Variants in ADGRB3 observed in about 807,000 individuals in gnomAD.
ADGRB3 encodes the protein adhesion G protein-coupled receptor B3.
A neutral mutation model predicts 193.4 loss-of-function variants in ADGRB3; 37 were observed. The ratio of observed to expected loss-of-function variants is 0.19; its 90% CI spans 0.15 to 0.25. The LOEUF (loss-of-function observed/expected upper bound fraction) is 0.25. Ranked by LOEUF, ADGRB3 falls within the 10% of genes least tolerant of loss-of-function variation. ADGRB3 has a pLI of 1.00. For synonymous variants in ADGRB3, 690 were observed against 644.2 expected, an observed-to-expected ratio of 1.07 and a Z score of -1.08; for missense variants, 1,637 against 1,852.9, an observed-to-expected ratio of 0.88 and a Z score of 2.14.
At chr6:69,093,617 G>A (rs2150318460) in intron 17 of ADGRB3, among the ~76,000 whole-genome samples, 1 of 151,148 alleles carries the variant, frequency 6.6e-6, no homozygotes, top group East Asian at 2.0e-4. Context: ...CATAGGTTCA[G>A]TGGGAGATGG....
intron 3 of ADGRB3, among the ~76,000 whole-genome samples, chr6:68,655,237 A>G (rs1768464007): frequency 6.6e-6 from 1 of 151,578 alleles, no homozygotes; most frequent in Non-Finnish European, 1.5e-5. Context: ...TTCCAGTCCC[A>G]ATTTCCAGCT....
chr6:69,339,682 C>G (rs937115079), intron 26 of ADGRB3, among the ~76,000 whole-genome samples, 178 bp downstream of exon 26: 1 of 152,130 alleles, frequency 6.6e-6, no homozygotes, highest in Non-Finnish European at 1.5e-5. Flanking sequence ...GCCCCCAGCA[C>G]TCTGAAAGTG....
chr6:68,845,350 C>T (rs751731286), intron 3 of ADGRB3, among the ~76,000 whole-genome samples: 3 of 152,094 alleles, frequency 2.0e-5, no homozygotes, highest in Admixed American at 6.5e-5. Context: ...GAACACCAAG[C>T]ACAGTGACAG....
intron 16 of ADGRB3, among the ~76,000 whole-genome samples, chr6:69,068,522 T>A (rs543675140): frequency 3.2e-4 from 49 of 152,320 alleles, no homozygotes; most frequent in African/African-American, 8.9e-4. Flanking sequence ...TTGGAAATGA[T>A]GTGATCACAT....
intron 3 of ADGRB3, among the ~76,000 whole-genome samples, chr6:68,659,445 C>A (rs1385619845): frequency 1.3e-5 from 2 of 150,258 alleles, no homozygotes; most frequent in African/African-American, 4.9e-5. Context: ...TTAAAGTTTC[C>A]TTTTTTTCTT....
At chr6:69,367,912 G>T (rs984810375) in intron 29 of ADGRB3, among the ~76,000 whole-genome samples, 1 of 146,502 alleles carries the variant, frequency 6.8e-6, no homozygotes, top group African/African-American at 2.5e-5. Flanking sequence ...ACCAAACACC[G>T]CATATTCTCA....
chr6:69,016,913 C>T (rs552540418), intron 12 of ADGRB3, among the ~76,000 whole-genome samples: 1 of 151,968 alleles, frequency 6.6e-6, no homozygotes, highest in African/African-American at 2.4e-5. Flanking sequence ...ACTACACATA[C>T]TCATATACAT....
chr6:68,675,641 G>A (rs1769070677), intron 3 of ADGRB3, among the ~76,000 whole-genome samples: 1 of 152,082 alleles, frequency 6.6e-6, no homozygotes, highest in South Asian at 2.1e-4. Flanking sequence ...CGAGTGAATG[G>A]ATGGAAATGA....
intron 3 of ADGRB3, among the ~76,000 whole-genome samples, chr6:68,831,222 A>G (rs514518): frequency 6.7e-6 from 1 of 150,310 alleles, no homozygotes; most frequent in African/African-American, 2.5e-5. Flanking sequence ...TGAGTACAAA[A>G]GACAGAAAAG....
rs77416583 is a variant in ADGRB3 at position 69,252,718 on chromosome 6, A to C, written c.2814+13492A>C. On this transcript the variant is annotated intron_variant, in intron 20 of 31. Coordinates refer to ENST00000370598, the MANE Select transcript of ADGRB3 (RefSeq NM_001704.3). ...GATTGTTTGGATACAAATCCTTTGT[A>C]ATTTATAATTTTTCCTATAGCTAGT... Among the ~76,000 whole-genome samples, 495 of 152,110 alleles carry C rather than the reference A, an allele frequency of 3.3e-3. 1 individual carries two copies. Among genetic ancestry groups the C allele is most frequent in the African/African-American group, 0.011 (468 of 41,526 alleles).
In ADGRB3 at chr6:68,638,649, C is replaced by T. The variant is rs770185843; in HGVS notation, c.-15-12C>T. 1.5e-5 allele frequency: 23 copies of T among 1,569,960 alleles called. No individual in the cohort carries two copies. The highest frequency in any genetic ancestry group is 3.4e-4 in the Middle Eastern group (2 of 5,848). ...TCCTACTTGCATTTTACTTTCATTG[C>T]CATTTTTACAGGCCAAATGACATAG... On this transcript the variant is annotated splice_polypyrimidine_tract_variant and intron_variant, in intron 2 of 31. Coordinates refer to ENST00000370598, the MANE Select transcript of ADGRB3 (RefSeq NM_001704.3).
chr6:69,063,163 A>C, intron 16 of ADGRB3, 127 bp downstream of exon 16: 3 of 624,946 alleles, frequency 4.8e-6, no homozygotes, highest in Admixed American at 3.1e-5. Flanking sequence ...ACTTGTTATG[A>C]GTATGTGTAT....
rs568679427 is a variant in ADGRB3, at chr6:69,340,633, T to C, written c.3459+1129T>C. Among the ~76,000 whole-genome samples, 4 of 152,322 alleles carry C rather than the reference T, an allele frequency of 2.6e-5. No individual in the cohort carries two copies. The East Asian group carries it at 7.7e-4, about 29-fold the overall frequency. On this transcript the variant is annotated intron_variant, in intron 26 of 31. Coordinates refer to ENST00000370598, the MANE Select transcript of ADGRB3 (RefSeq NM_001704.3). ...AGCTATTTTATTTTATTTTTTATTA[T>C]TCTTTAAGTTCTGAGATACATGTGC...
intron 17 of ADGRB3, among the ~76,000 whole-genome samples, chr6:69,214,099 G>A (rs1355324624): frequency 6.6e-6 from 1 of 152,124 alleles, no homozygotes; most frequent in Non-Finnish European, 1.5e-5. Flanking sequence ...ACAGAGAAGA[G>A]GGTATTTGAC....
chr6:69,100,291 T>C lies in ADGRB3; in HGVS notation c.2480+24253T>C, dbSNP rs144539525. On this transcript the variant is annotated intron_variant, in intron 17 of 31. Transcript: ENST00000370598. ...TCTTACTTTTTGGTTTTGACTTTTT[T>C]CCCCTTTACATTTTGTGAAACACTC... Among the ~76,000 whole-genome samples, 748 of 152,260 alleles carry C rather than the reference T, an allele frequency of 4.9e-3. 1 individual carries two copies. Among genetic ancestry groups the C allele is most frequent in the Non-Finnish European group, 6.6e-3 (451 of 68,002 alleles).
chr6:69,155,612 C>T (rs1774812335), intron 17 of ADGRB3, among the ~76,000 whole-genome samples: 1 of 152,160 alleles, frequency 6.6e-6, no homozygotes, highest in Admixed American at 6.5e-5. Flanking sequence ...GAATTAAGAG[C>T]TGCCATTTAT....
intron 3 of ADGRB3, among the ~76,000 whole-genome samples, chr6:68,794,304 AAT>A (rs1010569932): frequency 1.2e-4 from 18 of 150,872 alleles, no homozygotes; most frequent in Middle Eastern, 3.5e-3. Context: ...TAATATTTTG[AAT>A]ATATATATAT....
At chr6:68,729,552 T>G (rs1330233475) in intron 3 of ADGRB3, among the ~76,000 whole-genome samples, 1 of 151,518 alleles carries the variant, frequency 6.6e-6, no homozygotes, top group East Asian at 1.9e-4. Flanking sequence ...ATAGCCTGAA[T>G]TTTACATGGT....
In ADGRB3 at chr6:69,357,989, G is replaced by T. The variant is rs545137057; in HGVS notation, c.3595+2129G>T. ...TATGTTCCAAGATGGAATGTGATTT[G>T]TCCGGGTTTAGAAGCTTGAATTTAT... is the stretch of plus-strand genomic sequence containing the variant. On this transcript the variant is annotated intron_variant, in intron 28 of 31. Transcript: ENST00000370598. Among the ~76,000 whole-genome samples, 3 of 151,992 alleles carry T rather than the reference G, an allele frequency of 2.0e-5. No individual in the cohort carries two copies. The East Asian group carries it at 5.8e-4, about 29-fold the overall frequency.
Sources: allele counts gnomAD v4.1 joint callset (sites outside exome capture counted in the v4.1 genomes callset), GRCh38; gene constraint gnomAD v4.1.1; transcripts MANE v1.5; gene names NCBI Gene and HGNC (gene_info 2026-07-23, HGNC 2026-07-21).